The following CLN6 variants were observed in gnomAD, a reference collection of about 807,000 sequenced individuals.
CLN6 encodes the protein CLN6 transmembrane ER protein.
In CLN6, 22 loss-of-function variants were observed where a neutral mutation model predicts 33.3. The ratio of observed to expected loss-of-function variants is 0.66; its 90% CI spans 0.47 to 0.94. The LOEUF is 0.94. Ranked by LOEUF, CLN6 falls within the 40% of genes least tolerant of loss-of-function variation. CLN6 has a pLI of 0.00. For missense variants in CLN6, 387 were observed against 417.1 expected, an observed-to-expected ratio of 0.93 and a Z score of 0.63; for synonymous variants, 201 against 174.6, an observed-to-expected ratio of 1.15 and a Z score of -1.19.
At chr15:68,232,323 A>C (rs1249462720), upstream of CLN6, among the ~76,000 whole-genome samples, 1 of 151,796 alleles carries the variant, frequency 6.6e-6, no homozygotes, top group Admixed American at 6.6e-5. The surrounding 1 kb of genome is among the most constrained non-coding windows in gnomAD (Gnocchi z 4.7). Flanking sequence ...ACGCCTGGCT[A>C]ATTTTTTATA....
intron 1 of CLN6, among the ~76,000 whole-genome samples, chr15:68,252,443 T>C (rs1232807936): frequency 6.6e-6 from 1 of 152,252 alleles, no homozygotes; most frequent in Non-Finnish European, 1.5e-5. Flanking sequence ...AAGCATTTTA[T>C]TCCAACTCTA....
chr15:68,218,533 C>A lies in CLN6; in HGVS notation c.198+3G>T. ...AGAGCCCTGTGCACCATTTCACACT[C>A]ACCATGGCAATGGGACGCCCAAAGT... On this transcript the variant is annotated splice_donor_region_variant and intron_variant, in intron 2 of 6. Coordinates refer to ENST00000249806, the MANE Select transcript of CLN6 (RefSeq NM_017882.3). 1 of 1,603,292 alleles carries A rather than the reference C, an allele frequency of 6.2e-7. No individual in the cohort carries two copies. Among genetic ancestry groups the A allele is most frequent in the Non-Finnish European group, 8.5e-7 (1 of 1,170,176 alleles).
intron 1 of CLN6, among the ~76,000 whole-genome samples, chr15:68,222,732 T>C (rs1453861415): frequency 6.6e-6 from 1 of 152,214 alleles, no homozygotes; most frequent in Non-Finnish European, 1.5e-5. Flanking sequence ...TGTTACTGTG[T>C]CTGTGTAGAA....
At chr15:68,244,463 G>T (rs1368047457) in intron 1 of CLN6, among the ~76,000 whole-genome samples, 1 of 151,738 alleles carries the variant, frequency 6.6e-6, no homozygotes, top group African/African-American at 2.4e-5. Context: ...ATCCAACAAA[G>T]CCATCCTTTA....
chr15:68,249,280 A>G (rs952449270), intron 1 of CLN6, among the ~76,000 whole-genome samples: 1 of 152,254 alleles, frequency 6.6e-6, no homozygotes, highest in Non-Finnish European at 1.5e-5. Context: ...TCAAAAAGCT[A>G]AAAATAGAAC....
At position 68,208,370 on chromosome 15, in the gene CLN6, A is replaced by G; in HGVS notation, c.706T>C (p.Phe236Leu). 1 of 1,613,816 alleles carries G rather than the reference A, an allele frequency of 6.2e-7. No individual in the cohort carries two copies. The highest frequency in any genetic ancestry group is 1.7e-5 in the Admixed American group (1 of 60,036). The change falls in exon 7 of 7, where the codon TTC becomes CTC. Residue 236 changes from phenylalanine (F) to leucine (L), a missense_variant. Physicochemically the swap from Phe to Leu is conservative, Grantham distance 22. Transcript: ENST00000249806. This position sits in a 1 kb window ranked among gnomAD's most constrained non-coding sequence, Gnocchi z 5.8. ...TEGQIFILFI[F>L]TFFAMLALVL... ...AGGGCCAGCATGGCGAAGAAGGTGA[A>G]GATGAAGAGGATGAAGATCTGGCCC...
intron 2 of CLN6, chr15:68,215,368 G>C (rs1194724318): frequency 6.6e-6 from 1 of 152,116 alleles, no homozygotes; most frequent in Non-Finnish European, 1.5e-5. Context: ...CAAAACATCA[G>C]AAATAGGCTG....
chr15:68,238,661 A>T (rs923388497), intron 1 of CLN6, among the ~76,000 whole-genome samples: 4 of 152,246 alleles, frequency 2.6e-5, no homozygotes, highest in Non-Finnish European at 4.4e-5. Flanking sequence ...CATGAAGGTG[A>T]AATAGGAACA....
rs1052110291 is a variant in CLN6, at chr15:68,228,122, AC to A, written c.83+1379del. Among the ~76,000 whole-genome samples, 1 of 152,158 alleles carries A rather than the reference AC, an allele frequency of 6.6e-6. No individual in the cohort carries two copies. Among genetic ancestry groups the A allele is most frequent in the Non-Finnish European group, 1.5e-5 (1 of 68,026 alleles). On this transcript the variant is annotated intron_variant, in intron 1 of 6. Coordinates refer to ENST00000249806, the MANE Select transcript of CLN6 (RefSeq NM_017882.3). The surrounding 1 kb of genome is among the most constrained non-coding windows in gnomAD (Gnocchi z 4.4). ...ATACTTAACTCACAGGCCGAGGGAG[AC>A]AGGTGAGCTACAGTATGCGGTCTAT...
In CLN6 at chr15:68,207,888, A is replaced by C. The variant is rs921974418; in HGVS notation, c.*252T>G. 4.1e-5 allele frequency: 23 copies of C among 555,652 alleles called. No individual in the cohort carries two copies. In the African/African-American group the frequency reaches 4.2e-4, roughly 10 times the overall value. 34.4% of individuals were successfully genotyped at this position (555,652 alleles called of 1,614,324 possible). The stretch of plus-strand genomic sequence containing the variant: ...TCCTGGCCCAGAAACACTCTAAAAC[A>C]GAATCCGATCCTGAGATGATCCAAA... On this transcript the variant is annotated 3_prime_UTR_variant, in exon 7 of 7. Transcript: ENST00000249806.
Position 68,209,543 on chromosome 15 carries a change from G to A in CLN6, c.665+94C>T, listed in dbSNP as rs527298734. ...GGCCCAAAGAGGGCCAGTCTCCCTG[G>A]GGCCACACAGCAGGTCCATTGGCAA... On this transcript the variant is annotated intron_variant, in intron 6 of 6. Transcript: ENST00000249806. This position sits in a 1 kb window ranked among gnomAD's most constrained non-coding sequence, Gnocchi z 4.9. The A allele has an allele frequency of 2.6e-6, 4 of 1,547,892 alleles. No homozygotes were observed. The highest frequency in any genetic ancestry group is 1.7e-5 in the Admixed American group (1 of 59,612).
At chr15:68,212,171 G>T (rs926655461) in intron 3 of CLN6, 12 of 400,946 alleles carry the variant, frequency 3.0e-5, no homozygotes, top group African/African-American at 2.0e-4. Flanking sequence ...CCAGCCTTCA[G>T]TGCAGGAGTC....
chr15:68,252,844 T>C (rs1394195810), intron 1 of CLN6, among the ~76,000 whole-genome samples: 1 of 152,186 alleles, frequency 6.6e-6, no homozygotes, highest in Non-Finnish European at 1.5e-5. Flanking sequence ...TCTTGTTTAG[T>C]TATATCTATG....
In CLN6 at chr15:68,228,752, A is replaced by T. The variant is rs560219596; in HGVS notation, c.83+750T>A. On this transcript the variant is annotated intron_variant, in intron 1 of 6. Transcript: ENST00000249806. The surrounding 1 kb of genome is among the most constrained non-coding windows in gnomAD (Gnocchi z 4.4). ...GGGCTCTGTCTCTCCTGATCCCTAC[A>T]GGACCGTAAGCCTCTCCCACCTTCA... 4.8e-4 allele frequency among the ~76,000 whole-genome samples: 73 copies of T among 152,176 alleles called. No homozygotes were observed. The highest frequency in any genetic ancestry group is 1.7e-3 in the African/African-American group (71 of 41,516).
upstream of CLN6, among the ~76,000 whole-genome samples, chr15:68,232,374 G>A (rs755679063): frequency 1.3e-5 from 2 of 152,096 alleles, no homozygotes; most frequent in Non-Finnish European, 2.9e-5. The surrounding 1 kb of genome is among the most constrained non-coding windows in gnomAD (Gnocchi z 4.7). Context: ...AGCCAGGCTG[G>A]TCTTGATCTA....
chr15:68,229,018 G>A (rs2141155526), intron 1 of CLN6, among the ~76,000 whole-genome samples: 1 of 152,318 alleles, frequency 6.6e-6, no homozygotes, highest in African/African-American at 2.4e-5. Flanking sequence ...GGGTGCCCCA[G>A]GTCAAGCAGA....
chr15:68,228,934 G>A lies in CLN6; in HGVS notation c.83+568C>T, dbSNP rs1376087918. ...ACGAGATAAACCAAAAACTGAGAAGGGCTCCTCATTCATTCTCTGGACGGC... is the reference window on the plus strand; with the variant it reads ...ACGAGATAAACCAAAAACTGAGAAGAGCTCCTCATTCATTCTCTGGACGGC... On this transcript the variant is annotated intron_variant, in intron 1 of 6. Coordinates refer to ENST00000249806, the MANE Select transcript of CLN6 (RefSeq NM_017882.3). This position sits in a 1 kb window ranked among gnomAD's most constrained non-coding sequence, Gnocchi z 4.4. Among the ~76,000 whole-genome samples, 9 of 152,110 alleles carry A rather than the reference G, an allele frequency of 5.9e-5. No homozygotes were observed. In the East Asian group the frequency reaches 1.3e-3, roughly 23 times the overall value.
upstream of CLN6, chr15:68,229,742 C>T (rs1396091916): frequency 5.4e-6 from 2 of 367,226 alleles, no homozygotes; most frequent in Non-Finnish European, 8.5e-6. Flanking sequence ...GGGCTGCGGA[C>T]CCGGGGCGGG....
chr15:68,212,075 G>A (rs1026751143), intron 3 of CLN6: 3 of 593,362 alleles, frequency 5.1e-6, no homozygotes, highest in African/African-American at 3.7e-5. Context: ...AGCACCCCCC[G>A]CTGACTTTAC....
Sources: allele counts gnomAD v4.1 joint callset (sites outside exome capture counted in the v4.1 genomes callset), GRCh38; gene constraint gnomAD v4.1.1; non-coding constraint Gnocchi (gnomAD v3.1); transcripts MANE v1.5; gene names NCBI Gene and HGNC (gene_info 2026-07-23, HGNC 2026-07-21).